SAMD12: variants seen among roughly 807,000 people sequenced by gnomAD.
SAMD12 encodes the protein sterile alpha motif domain containing 12.
SAMD12 carries 9 observed loss-of-function variants against 15.0 expected under a neutral mutation model. The observed-to-expected ratio is 0.60, with a 90% confidence interval of 0.36 to 1.05. SAMD12 has a LOEUF of 1.05. Ranked by LOEUF, SAMD12 falls within the 50% of genes least tolerant of loss-of-function variation. The pLI, the probability that SAMD12 is intolerant of heterozygous loss-of-function variation, is 0.01. For missense variants in SAMD12, 230 were observed against 234.2 expected (o/e 0.98, Z 0.12); for synonymous variants, 86 against 90.1 (o/e 0.96, Z 0.25).
chr8:118,232,667 G>A (rs530781620), intron 4 of SAMD12, among the ~76,000 whole-genome samples: 1 of 152,146 alleles, frequency 6.6e-6, no homozygotes, highest in Non-Finnish European at 1.5e-5. Flanking sequence ...GCCAGCGTGT[G>A]CATGTGCACG....
At chr8:118,330,255 G>C (rs1816752219) in intron 4 of SAMD12, among the ~76,000 whole-genome samples, 1 of 152,332 alleles carries the variant, frequency 6.6e-6, no homozygotes, top group South Asian at 2.1e-4. Context: ...CACAGGCCTT[G>C]ATGCAAGAGT....
the SAMD12 span, among the ~76,000 whole-genome samples, chr8:118,134,980 CTGTGAG>C: frequency 6.6e-6 from 1 of 152,150 alleles, no homozygotes; most frequent in Non-Finnish European, 1.5e-5. Context: ...AGAGCAGGGT[CTGTGAG>C]TGTGCATTGC....
At chr8:118,371,198 G>A (rs1250380354) in intron 4 of SAMD12, among the ~76,000 whole-genome samples, 1 of 152,156 alleles carries the variant, frequency 6.6e-6, no homozygotes, top group East Asian at 1.9e-4. Context: ...GCTGTGCGAT[G>A]CTGAAGAGTT....
chr8:118,620,066 C>T (rs1043278416), intron 1 of SAMD12, among the ~76,000 whole-genome samples: 4 of 152,220 alleles, frequency 2.6e-5, no homozygotes, highest in African/African-American at 9.7e-5. Flanking sequence ...TCCACATGTA[C>T]TTCCTTCCTA....
At chr8:118,225,966 T>A (rs1042487291) in intron 4 of SAMD12, among the ~76,000 whole-genome samples, 2 of 151,942 alleles carry the variant, frequency 1.3e-5, no homozygotes, top group African/African-American at 4.8e-5. Flanking sequence ...AGGAACTGAG[T>A]CTCAAGATAC....
the SAMD12 span, among the ~76,000 whole-genome samples, chr8:118,168,992 C>T: frequency 3.3e-5 from 5 of 151,994 alleles, no homozygotes; most frequent in Non-Finnish European, 5.9e-5. Context: ...CATTTTAATA[C>T]TTATTTTTTT....
intron 2 of SAMD12, among the ~76,000 whole-genome samples, chr8:118,577,764 C>T (rs918343934): frequency 2.0e-5 from 3 of 152,082 alleles, no homozygotes; most frequent in East Asian, 3.9e-4. Flanking sequence ...TCAAGGCACA[C>T]GTGGCCAAAA....
chr8:118,162,968 A>G, the SAMD12 span, among the ~76,000 whole-genome samples: 1 of 152,134 alleles, frequency 6.6e-6, no homozygotes, highest in Admixed American at 6.5e-5. Flanking sequence ...AACAAACAAC[A>G]CAACTTTGGA....
intron 2 of SAMD12, among the ~76,000 whole-genome samples, chr8:118,547,226 G>A (rs559707062): frequency 3.9e-5 from 6 of 152,132 alleles, no homozygotes; most frequent in Non-Finnish European, 8.8e-5. Flanking sequence ...AAAAAATGTA[G>A]CAGCAAACAC....
At chr8:118,266,344 T>C (rs1431547895) in intron 4 of SAMD12, among the ~76,000 whole-genome samples, 1 of 151,984 alleles carries the variant, frequency 6.6e-6, no homozygotes, top group Non-Finnish European at 1.5e-5. Context: ...AAAAGATAAA[T>C]ATTGGTGAGG....
At chr8:118,441,719 T>A (rs1822769853) in intron 2 of SAMD12, among the ~76,000 whole-genome samples, 1 of 152,166 alleles carries the variant, frequency 6.6e-6, no homozygotes, top group African/African-American at 2.4e-5. Context: ...GGGTTGATGC[T>A]CCCTCCTACT....
chr8:118,297,040 T>C (rs1814750286), intron 4 of SAMD12, among the ~76,000 whole-genome samples: 1 of 152,210 alleles, frequency 6.6e-6, no homozygotes, highest in African/African-American at 2.4e-5. Flanking sequence ...TTGCATGGCA[T>C]ATTGATGTGC....
At chr8:118,528,843 T>C (rs1825605435) in intron 2 of SAMD12, among the ~76,000 whole-genome samples, 1 of 152,222 alleles carries the variant, frequency 6.6e-6, no homozygotes, top group South Asian at 2.1e-4. Context: ...GGGTCTCCTT[T>C]TCCTAATTTT....
intron 1 of SAMD12, among the ~76,000 whole-genome samples, chr8:118,609,824 T>G (rs1828064569): frequency 6.6e-6 from 1 of 152,144 alleles, no homozygotes; most frequent in Non-Finnish European, 1.5e-5. Context: ...TCCAGGGCAG[T>G]GGGAGGACCA....
intron 4 of SAMD12, among the ~76,000 whole-genome samples, chr8:118,294,646 GA>G (rs2130281239): frequency 6.6e-6 from 1 of 152,284 alleles, no homozygotes; most frequent in Non-Finnish European, 1.5e-5. Context: ...GCAGAAGGAT[GA>G]AAACATAAAA....
intron 2 of SAMD12, among the ~76,000 whole-genome samples, chr8:118,510,253 T>C (rs1336530776): frequency 1.3e-5 from 2 of 151,676 alleles, no homozygotes; most frequent in Non-Finnish European, 2.9e-5. Flanking sequence ...CACACATGCA[T>C]GCACACACAC....
chr8:118,147,228 T>C, the SAMD12 span, among the ~76,000 whole-genome samples: 92 of 152,196 alleles, frequency 6.0e-4, no homozygotes, highest in African/African-American at 2.1e-3. Context: ...TTTCACCATG[T>C]TGGCCAGGCT....
At chr8:118,280,019 G>C (rs774596649) in intron 4 of SAMD12, among the ~76,000 whole-genome samples, 6 of 152,154 alleles carry the variant, frequency 3.9e-5, no homozygotes, top group Admixed American at 1.3e-4. Context: ...GTTGACTATT[G>C]CACGTTCTCT....
chr8:118,448,525 T>C (rs1479467833), intron 2 of SAMD12, among the ~76,000 whole-genome samples: 1 of 152,248 alleles, frequency 6.6e-6, no homozygotes, highest in Non-Finnish European at 1.5e-5. Flanking sequence ...CGCCATCATA[T>C]ATCACAGATC....
Sources: gnomAD v4.1 joint callset for allele counts (sites outside exome capture counted in the v4.1 genomes callset) on GRCh38, gnomAD v4.1.1 for gene constraint, MANE v1.5 for transcripts, NCBI Gene and HGNC (gene_info 2026-07-23, HGNC 2026-07-21) for gene names.